Variants in ADARB2 observed in about 807,000 individuals in gnomAD.
ADARB2 encodes the protein adenosine deaminase RNA specific B2 (inactive).
Under a neutral mutation model 62.2 loss-of-function variants are expected in ADARB2, and 25 were observed. The ratio of observed to expected loss-of-function variants is 0.40; its 90% CI spans 0.29 to 0.56. The LOEUF is 0.56. ADARB2 is among the 20% of genes least tolerant of loss of function. ADARB2 has a pLI of 0.43. For synonymous variants in ADARB2, 572 were observed against 500.8 expected (o/e 1.14, Z -1.90); for missense variants, 1,071 against 1,077.4 (o/e 0.99, Z 0.08).
chr10:1,346,346 G>A (rs1458289479), intron 3 of ADARB2, among the ~76,000 whole-genome samples: 1 of 152,206 alleles, frequency 6.6e-6, no homozygotes, highest in Non-Finnish European at 1.5e-5. Flanking sequence ...CCAACCGCGA[G>A]AACCCCTCAG....
chr10:1,650,518 C>T (rs1402315620), intron 1 of ADARB2, among the ~76,000 whole-genome samples: 2 of 152,142 alleles, frequency 1.3e-5, no homozygotes, highest in African/African-American at 4.8e-5. Context: ...AAACGCACCT[C>T]CGCCAGTCTT....
intron 3 of ADARB2, among the ~76,000 whole-genome samples, chr10:1,347,771 C>T (rs940538829): frequency 1.3e-5 from 2 of 152,142 alleles, no homozygotes; most frequent in South Asian, 2.1e-4. Flanking sequence ...CGCAGTGCAC[C>T]GAAGGCACCC....
At chr10:1,233,601 C>T (rs1830830256) in intron 6 of ADARB2, 93 bp downstream of exon 6, 1 of 1,371,028 alleles carries the variant, frequency 7.3e-7, no homozygotes, top group East Asian at 2.6e-5. Flanking sequence ...CACACCGCGC[C>T]CCTGCCCTGG....
chr10:1,396,492 G>A (rs894246127), intron 1 of ADARB2, among the ~76,000 whole-genome samples: 6 of 152,110 alleles, frequency 3.9e-5, no homozygotes, highest in East Asian at 3.9e-4. Flanking sequence ...CGAAGAATCC[G>A]GCCCTGAGCT....
At chr10:1,384,150 A>G (rs1270331242) in intron 1 of ADARB2, among the ~76,000 whole-genome samples, 4 of 152,236 alleles carry the variant, frequency 2.6e-5, no homozygotes, top group African/African-American at 9.6e-5. Context: ...ATGTGTTCAT[A>G]AACAAGTTAC....
chr10:1,723,062 T>A (rs1835115763), intron 1 of ADARB2, among the ~76,000 whole-genome samples: 1 of 152,160 alleles, frequency 6.6e-6, no homozygotes, highest in Admixed American at 6.5e-5. Flanking sequence ...CACATGTCAC[T>A]AAGGTGTGAG....
intron 3 of ADARB2, among the ~76,000 whole-genome samples, chr10:1,294,361 G>A (rs754205132): frequency 2.4e-4 from 36 of 152,094 alleles, no homozygotes; most frequent in African/African-American, 6.8e-4. Context: ...GGGACCTGGC[G>A]GGGTGACGTG....
intron 1 of ADARB2, among the ~76,000 whole-genome samples, chr10:1,467,422 T>G (rs1443935042): frequency 1.3e-5 from 2 of 152,144 alleles, no homozygotes; most frequent in Non-Finnish European, 2.9e-5. Context: ...CATCTCCTTC[T>G]CAGTTTCTTC....
At chr10:1,299,053 A>G (rs1831550032) in intron 3 of ADARB2, among the ~76,000 whole-genome samples, 1 of 151,736 alleles carries the variant, frequency 6.6e-6, no homozygotes. Flanking sequence ...CCACAATGCC[A>G]TTTTTATTTG....
At chr10:1,249,616 G>GCACACACACACA (rs58472524) in intron 4 of ADARB2, among the ~76,000 whole-genome samples, 52 of 147,450 alleles carry the variant, frequency 3.5e-4, no homozygotes, top group African/African-American at 1.3e-3. Flanking sequence ...GTGATTTTAT[G>GCACACACACACA]CACACACACA....
At chr10:1,724,094 T>C (rs1835132150) in intron 1 of ADARB2, among the ~76,000 whole-genome samples, 1 of 152,194 alleles carries the variant, frequency 6.6e-6, no homozygotes, top group South Asian at 2.1e-4. Flanking sequence ...TGCCTCACAG[T>C]GTGACCATAT....
intron 1 of ADARB2, among the ~76,000 whole-genome samples, chr10:1,692,493 G>T (rs1834686449): frequency 6.6e-6 from 1 of 152,180 alleles, no homozygotes; most frequent in African/African-American, 2.4e-5. Context: ...CCCAAATTCA[G>T]CAGGGATAGT....
chr10:1,619,435 A>G (rs2132026091), intron 1 of ADARB2, among the ~76,000 whole-genome samples: 1 of 152,320 alleles, frequency 6.6e-6, no homozygotes, highest in South Asian at 2.1e-4. Flanking sequence ...AAAAATAAGC[A>G]CTTCATGTAA....
chr10:1,235,325 G>A (rs1371240610), intron 5 of ADARB2, among the ~76,000 whole-genome samples: 1 of 122,006 alleles, frequency 8.2e-6, no homozygotes, highest in East Asian at 2.3e-4. Context: ...GGTGGGGCGG[G>A]AGAGTTCCCA....
chr10:1,311,640 T>C (rs996648780), intron 3 of ADARB2, among the ~76,000 whole-genome samples: 2 of 152,018 alleles, frequency 1.3e-5, no homozygotes, highest in Admixed American at 6.5e-5. Context: ...AGACCCTGAG[T>C]GAGGAGAAAG....
At chr10:1,234,912 C>A (rs142161563) in intron 5 of ADARB2, among the ~76,000 whole-genome samples, 11 of 152,038 alleles carry the variant, frequency 7.2e-5, no homozygotes, top group Non-Finnish European at 1.3e-4. Flanking sequence ...CCATACCCAG[C>A]TAATTTTTGT....
chr10:1,320,547 T>G (rs1831786028), intron 3 of ADARB2, among the ~76,000 whole-genome samples: 1 of 152,180 alleles, frequency 6.6e-6, no homozygotes, highest in Non-Finnish European at 1.5e-5. Context: ...CATTGGACCA[T>G]GGTGTATCAG....
At chr10:1,436,456 G>C (rs112650528) in intron 1 of ADARB2, among the ~76,000 whole-genome samples, 13 of 152,162 alleles carry the variant, frequency 8.5e-5, no homozygotes, top group African/African-American at 3.1e-4. Context: ...TCATCCAGCA[G>C]CTACTCTGAT....
chr10:1,335,258 G>T (rs1349673046), intron 3 of ADARB2, among the ~76,000 whole-genome samples: 1 of 151,152 alleles, frequency 6.6e-6, no homozygotes, highest in Non-Finnish European at 1.5e-5. Context: ...TGGGAGGGAT[G>T]GATAGAAGGA....
Sources: allele counts gnomAD v4.1 joint callset (sites outside exome capture counted in the v4.1 genomes callset), GRCh38; gene constraint gnomAD v4.1.1; transcripts MANE v1.5; gene names NCBI Gene and HGNC (gene_info 2026-07-23, HGNC 2026-07-21).